The following MCMDC2 variants were observed in gnomAD, a reference collection of about 807,000 sequenced individuals.
MCMDC2 encodes minichromosome maintenance domain-containing protein 2.
In MCMDC2, 54 loss-of-function variants were observed where a neutral mutation model predicts 75.8. That is an observed-to-expected ratio of 0.71 (90% CI 0.57 to 0.89). The LOEUF is 0.89. MCMDC2 is among the 40% of genes least tolerant of loss of function. The pLI is 0.00. For missense variants in MCMDC2, 656 were observed against 780.4 expected (o/e 0.84, Z 1.90); for synonymous variants, 249 against 274.6 (o/e 0.91, Z 0.92).
chr8:66,888,212 C>T (rs1024095049), intron 9 of MCMDC2, among the ~76,000 whole-genome samples: 6 of 152,118 alleles, frequency 3.9e-5, no homozygotes, highest in African/African-American at 1.4e-4. Flanking sequence ...TGCTGAGTAG[C>T]TGGGAACAGA....
At chr8:66,877,093 A>G (rs1811326607) in intron 4 of MCMDC2, among the ~76,000 whole-genome samples, 1 of 151,994 alleles carries the variant, frequency 6.6e-6, no homozygotes, top group Admixed American at 6.6e-5. Flanking sequence ...TTTTCAGTGG[A>G]TATGGTCAGA....
Position 66,905,371 on chromosome 8 carries a change from AC to A in MCMDC2, c.1879+37del, listed in dbSNP as rs1402338489. 4.3e-6 allele frequency: 6 copies of A among 1,386,402 alleles called. No homozygotes were observed. The Admixed American group carries it at 1.2e-4, about 28-fold the overall frequency. 85.9% of individuals were successfully genotyped at this position (1,386,402 alleles called of 1,614,324 possible). On this transcript the variant is annotated intron_variant, in intron 14 of 14. Coordinates refer to ENST00000422365, the MANE Select transcript of MCMDC2 (RefSeq NM_173518.5). ...AAATTATTAATGATCACTACAAATA[AC>A]TTTTATTTAACCTTAAATATTCTTA...
intron 14 of MCMDC2, among the ~76,000 whole-genome samples, chr8:66,908,976 C>T (rs1182885908): frequency 6.6e-6 from 1 of 152,146 alleles, no homozygotes. Flanking sequence ...ACCCAAATCT[C>T]ATCTTGAATT....
downstream of MCMDC2, among the ~76,000 whole-genome samples, chr8:66,923,632 C>T (rs1477385508): frequency 1.3e-5 from 2 of 152,126 alleles, no homozygotes; most frequent in South Asian, 2.1e-4. Flanking sequence ...CACGGTGTCT[C>T]CCGCCTGTAA....
At chr8:66,898,935 T>C (rs1812491958) in intron 12 of MCMDC2, among the ~76,000 whole-genome samples, 1 of 152,250 alleles carries the variant, frequency 6.6e-6, no homozygotes, top group Admixed American at 6.5e-5. Flanking sequence ...TTTGGAGTCA[T>C]AGGATTTTGG....
At position 66,896,813 on chromosome 8, in the gene MCMDC2, G is replaced by A. The variant is rs201866262; in HGVS notation, c.1480G>A (p.Ala494Thr). Residue 494 changes from alanine (A) to threonine (T), a missense_variant, in exon 12 of 15, where the codon GCA becomes ACA. Physicochemically the swap from Ala to Thr is moderately conservative, Grantham distance 58. Transcript: ENST00000422365. ...CSLIPANLVE[A>T]FGLLINCNES... ...TTTGATTCCAGCTAACCTTGTGGAG[G>A]CATTTGGTTTATTGATTAACTGCAA... The A allele has an allele frequency of 8.4e-5, 136 of 1,612,116 alleles. No individual in the cohort carries two copies. The East Asian group carries it at 3.0e-3, about 35-fold the overall frequency.
intron 1 of MCMDC2, among the ~76,000 whole-genome samples, chr8:66,872,181 A>G (rs1227880330): frequency 2.0e-5 from 3 of 152,216 alleles, no homozygotes; most frequent in Non-Finnish European, 2.9e-5. Context: ...GACAGTCTTA[A>G]TTGGTTTTCT....
intron 4 of MCMDC2, among the ~76,000 whole-genome samples, chr8:66,876,579 T>G (rs1006760950): frequency 3.3e-5 from 5 of 152,122 alleles, no homozygotes; most frequent in Admixed American, 2.0e-4. Flanking sequence ...CCCAAGTCCA[T>G]CTGCTATATT....
intron 14 of MCMDC2, among the ~76,000 whole-genome samples, chr8:66,913,942 T>G: frequency 7.8e-6 from 1 of 127,582 alleles, no homozygotes; most frequent in South Asian, 2.4e-4. Flanking sequence ...CCAGCCTGGG[T>G]GACAGAGCAA....
At chr8:66,886,110 G>A (rs1811824457) in intron 9 of MCMDC2, among the ~76,000 whole-genome samples, 1 of 151,582 alleles carries the variant, frequency 6.6e-6, no homozygotes, top group Admixed American at 6.6e-5. Flanking sequence ...CATTATCTTG[G>A]GTAAATACCT....
intron 9 of MCMDC2, 116 bp from the exon 10 acceptor site, chr8:66,890,749 G>T: frequency 1.2e-6 from 1 of 867,346 alleles, no homozygotes; most frequent in East Asian, 2.7e-5. Context: ...TTTATCCCTA[G>T]CACAATAGCT....
intron 8 of MCMDC2, among the ~76,000 whole-genome samples, chr8:66,882,184 A>T (rs1022499881): frequency 2.0e-5 from 3 of 152,100 alleles, no homozygotes; most frequent in African/African-American, 4.8e-5. Flanking sequence ...AATTGATATA[A>T]GGACAGGATT....
chr8:66,878,577 T>A lies in MCMDC2; in HGVS notation c.485T>A (p.Phe162Tyr). 1.9e-6 allele frequency: 3 copies of A among 1,570,694 alleles called. No individual in the cohort carries two copies. The highest frequency in any genetic ancestry group is 2.6e-6 in the Non-Finnish European group (3 of 1,163,296). ...SDEACPLSKG[F>Y]QYIRVHVPGA... is the part of the protein sequence containing the mutation. ...TGTTACCACTGTTTTCTTTCAGGATTTCAGTATATAAGAGTGCATGTGCCT... is the reference window on the plus strand; with the variant it reads ...TGTTACCACTGTTTTCTTTCAGGATATCAGTATATAAGAGTGCATGTGCCT... Residue 162 changes from phenylalanine to tyrosine, a missense_variant, in exon 6 of 15, where the codon TTT becomes TAT. Phe to Tyr is a conservative substitution (Grantham distance 22). Transcript: ENST00000422365.
At chr8:66,883,009 C>G (rs575554497) in intron 8 of MCMDC2, among the ~76,000 whole-genome samples, 1 of 152,276 alleles carries the variant, frequency 6.6e-6, no homozygotes, top group South Asian at 2.1e-4. Context: ...TCTCTTAGTC[C>G]ATGGGCATGG....
chr8:66,898,985 A>C (rs897350148), intron 12 of MCMDC2, among the ~76,000 whole-genome samples: 1 of 152,280 alleles, frequency 6.6e-6, no homozygotes. Context: ...AAGATTTTAT[A>C]GTTGGTTTGT....
intron 8 of MCMDC2, among the ~76,000 whole-genome samples, chr8:66,881,491 A>G (rs749222935): frequency 4.6e-5 from 7 of 152,190 alleles, no homozygotes; most frequent in Non-Finnish European, 8.8e-5. Context: ...GTTCAAGACC[A>G]GCCTGGCCAA....
intron 14 of MCMDC2, among the ~76,000 whole-genome samples, chr8:66,914,016 G>A (rs1813214094): frequency 1.3e-5 from 2 of 148,714 alleles, no homozygotes; most frequent in Admixed American, 6.7e-5. Flanking sequence ...CATGGCTCAT[G>A]CCTGTAATCC....
chr8:66,887,955 A>G (rs749868884), intron 9 of MCMDC2, among the ~76,000 whole-genome samples: 1 of 152,218 alleles, frequency 6.6e-6, no homozygotes, highest in Non-Finnish European at 1.5e-5. Context: ...ACTTATACCA[A>G]TACTACACTC....
intron 14 of MCMDC2, among the ~76,000 whole-genome samples, chr8:66,916,379 G>A (rs1813321114): frequency 6.6e-6 from 1 of 152,092 alleles, no homozygotes; most frequent in African/African-American, 2.4e-5. Flanking sequence ...GAAAATGAAA[G>A]GTTTGAGGAG....
Sources: allele counts gnomAD v4.1 joint callset (sites outside exome capture counted in the v4.1 genomes callset), GRCh38; gene constraint gnomAD v4.1.1; transcripts MANE v1.5; gene names NCBI Gene and HGNC (gene_info 2026-07-23, HGNC 2026-07-21).